The following GUCY1A2 variants were observed in gnomAD, a reference collection of about 807,000 sequenced individuals.
GUCY1A2 encodes the protein guanylate cyclase 1 soluble subunit alpha 2, also known as guanylate cyclase soluble subunit alpha-2.
A neutral mutation model predicts 63.5 loss-of-function variants in GUCY1A2; 27 were observed. The ratio of observed to expected loss-of-function variants is 0.43; its 90% confidence interval spans 0.31 to 0.59. GUCY1A2 has a LOEUF of 0.59. GUCY1A2 is among the 20% of genes least tolerant of loss of function. The probability of loss-of-function intolerance (pLI) is 0.11; values close to 1 mark genes in which losing one functional copy is unlikely to be tolerated. For missense variants in GUCY1A2, 768 were observed against 913.3 expected (o/e 0.84, Z 2.05); for synonymous variants, 364 against 343.5 (o/e 1.06, Z -0.66).
chr11:106,851,949 C>T (rs912926737), intron 4 of GUCY1A2, among the ~76,000 whole-genome samples: 5 of 151,834 alleles, frequency 3.3e-5, no homozygotes, highest in African/African-American at 1.2e-4. Context: ...GTAGTATGGC[C>T]ATTTTAACAT....
At chr11:106,745,458 C>T (rs1193373210) in intron 6 of GUCY1A2, among the ~76,000 whole-genome samples, 2 of 152,170 alleles carry the variant, frequency 1.3e-5, no homozygotes, top group Non-Finnish European at 2.9e-5. Flanking sequence ...CCATTTTAAA[C>T]AATAAAAACC....
intron 4 of GUCY1A2, among the ~76,000 whole-genome samples, chr11:106,863,693 G>A (rs1172403354): frequency 6.6e-6 from 1 of 152,032 alleles, no homozygotes; most frequent in Non-Finnish European, 1.5e-5. Context: ...GTAACTTGAT[G>A]GGGATAGCAT....
At chr11:106,799,247 G>A (rs982278822) in intron 5 of GUCY1A2, among the ~76,000 whole-genome samples, 30 of 152,216 alleles carry the variant, frequency 2.0e-4, no homozygotes, top group Non-Finnish European at 4.1e-4. Flanking sequence ...AAATAAAAGA[G>A]GACACAAACA....
intron 5 of GUCY1A2, among the ~76,000 whole-genome samples, chr11:106,805,348 C>A (rs1465613448): frequency 6.6e-6 from 1 of 151,788 alleles, no homozygotes; most frequent in Non-Finnish European, 1.5e-5. Context: ...TGGGTTCAAG[C>A]AATTCTCCTG....
At chr11:106,872,733 T>G (rs1372712085) in intron 4 of GUCY1A2, among the ~76,000 whole-genome samples, 1 of 152,216 alleles carries the variant, frequency 6.6e-6, no homozygotes, top group Non-Finnish European at 1.5e-5. Context: ...TAAGTCCCAA[T>G]TCTTCAGAAT....
chr11:106,819,566 A>ATTAGC (rs1186636326), intron 4 of GUCY1A2, among the ~76,000 whole-genome samples: 1 of 152,208 alleles, frequency 6.6e-6, no homozygotes, highest in Non-Finnish European at 1.5e-5. Context: ...TCAGATAATC[A>ATTAGC]TTAGCATTTT....
intron 7 of GUCY1A2, among the ~76,000 whole-genome samples, chr11:106,689,051 A>T (rs1387064979): frequency 6.6e-6 from 1 of 152,210 alleles, no homozygotes; most frequent in East Asian, 1.9e-4. Context: ...GATTCATGTT[A>T]GCAGCAGCTC....
chr11:106,810,981 A>T (rs1858754758), intron 4 of GUCY1A2, among the ~76,000 whole-genome samples: 1 of 152,134 alleles, frequency 6.6e-6, no homozygotes, highest in African/African-American at 2.4e-5. Flanking sequence ...GTACTTTTAA[A>T]ATGTACTAGT....
rs776662552 is a variant in GUCY1A2, at chr11:106,936,724, T to G, written c.1206+2736A>C. The G allele has an allele frequency of 4.7e-5, 71 of 1,519,368 alleles. No homozygotes were observed. In the South Asian group the frequency reaches 8.4e-4, roughly 18 times the overall value. The allele number at this position is 1,519,368 out of a possible 1,614,324, so 94.1% of individuals were successfully genotyped here. ...GTGACATGCTTGCTCTTGATTTTTT[T>G]TTTTTATGGCAGACGTAGTGGTTCA... is the stretch of plus-strand genomic sequence containing the variant. On this transcript the variant is annotated intron_variant, in intron 4 of 7. Transcript: ENST00000526355.
chr11:106,860,334 C>T (rs1478330148), intron 4 of GUCY1A2, among the ~76,000 whole-genome samples: 1 of 150,854 alleles, frequency 6.6e-6, no homozygotes, highest in Non-Finnish European at 1.5e-5. Flanking sequence ...AAAAGGAAAA[C>T]ACATGACATG....
chr11:107,001,207 C>A (rs1861607958), intron 1 of GUCY1A2, among the ~76,000 whole-genome samples: 1 of 152,042 alleles, frequency 6.6e-6, no homozygotes, highest in African/African-American at 2.4e-5. Flanking sequence ...GGTAGCAGAG[C>A]AGTAGGTGGG....
intron 6 of GUCY1A2, among the ~76,000 whole-genome samples, chr11:106,775,439 G>T (rs1864338361): frequency 6.7e-6 from 1 of 150,032 alleles, no homozygotes; most frequent in Non-Finnish European, 1.5e-5. Flanking sequence ...TTCTATCATT[G>T]CTAATAACAG....
At chr11:106,752,001 C>T (rs1863889651) in intron 6 of GUCY1A2, among the ~76,000 whole-genome samples, 2 of 152,164 alleles carry the variant, frequency 1.3e-5, no homozygotes, top group African/African-American at 2.4e-5. Context: ...AAAGTTCTCA[C>T]AGCCTAGTAC....
intron 5 of GUCY1A2, among the ~76,000 whole-genome samples, chr11:106,807,738 TG>T (rs1384146660): frequency 1.3e-5 from 2 of 152,176 alleles, no homozygotes; most frequent in African/African-American, 4.8e-5. Flanking sequence ...TCAATCCAGG[TG>T]GGTACCATCT....
chr11:106,800,737 G>A (rs959148174), intron 5 of GUCY1A2, among the ~76,000 whole-genome samples: 2 of 152,020 alleles, frequency 1.3e-5, no homozygotes, highest in Non-Finnish European at 2.9e-5. Context: ...AGGGCCTGTC[G>A]TGGGGTAGGG....
intron 6 of GUCY1A2, among the ~76,000 whole-genome samples, chr11:106,721,322 G>A (rs1354036077): frequency 1.3e-5 from 2 of 152,076 alleles, no homozygotes; most frequent in Non-Finnish European, 2.9e-5. Flanking sequence ...GCCTCCCAAA[G>A]TGCTGGGATT....
intron 4 of GUCY1A2, among the ~76,000 whole-genome samples, chr11:106,843,901 T>C (rs1859235470): frequency 6.6e-6 from 1 of 151,870 alleles, no homozygotes; most frequent in Non-Finnish European, 1.5e-5. Flanking sequence ...GGTTGTTGAC[T>C]CTCACCACCA....
At chr11:106,877,779 AT>A (rs899168778) in intron 4 of GUCY1A2, among the ~76,000 whole-genome samples, 27 of 152,146 alleles carry the variant, frequency 1.8e-4, no homozygotes, top group African/African-American at 6.3e-4. Flanking sequence ...GACAAATGGG[AT>A]ATAATTACAC....
chr11:106,919,739 G>C (rs1860416956), intron 4 of GUCY1A2, among the ~76,000 whole-genome samples: 1 of 152,004 alleles, frequency 6.6e-6, no homozygotes, highest in African/African-American at 2.4e-5. Context: ...GTAGAAAAAA[G>C]GTTTACATAT....
Sources: allele counts gnomAD v4.1 joint callset (sites outside exome capture counted in the v4.1 genomes callset), GRCh38; gene constraint gnomAD v4.1.1; transcripts MANE v1.5; gene names NCBI Gene and HGNC (gene_info 2026-07-23, HGNC 2026-07-21).